MAN1C1: variants seen among roughly 807,000 people sequenced by gnomAD.
MAN1C1 encodes the protein mannosidase alpha class 1C member 1.
Under a neutral mutation model 71.5 loss-of-function variants are expected in MAN1C1, and 49 were observed. That is an observed-to-expected ratio of 0.69 (90% CI 0.54 to 0.87). The LOEUF is 0.87. Ranked by LOEUF, MAN1C1 falls within the 40% of genes least tolerant of loss-of-function variation. The probability of loss-of-function intolerance (pLI) is 0.00; values close to 1 mark genes in which losing one functional copy is unlikely to be tolerated. For missense variants in MAN1C1, 743 were observed against 835.0 expected, an observed-to-expected ratio of 0.89 and a Z score of 1.36; for synonymous variants, 352 against 343.7, an observed-to-expected ratio of 1.02 and a Z score of -0.27.
At chr1:25,755,570 G>T (rs115155175) in intron 5 of MAN1C1, among the ~76,000 whole-genome samples, 1 of 152,214 alleles carries the variant, frequency 6.6e-6, no homozygotes, top group Non-Finnish European at 1.5e-5. Flanking sequence ...CAGGCATCAC[G>T]TGAGCACGTG....
chr1:25,660,889 C>G (rs1286894125), intron 1 of MAN1C1, among the ~76,000 whole-genome samples: 1 of 151,900 alleles, frequency 6.6e-6, no homozygotes, highest in Non-Finnish European at 1.5e-5. Flanking sequence ...TGGGGTTTCA[C>G]CATGTTGCCC....
At chr1:25,757,306 C>T (rs532193885) in intron 5 of MAN1C1, among the ~76,000 whole-genome samples, 1 of 152,204 alleles carries the variant, frequency 6.6e-6, no homozygotes, top group East Asian at 1.9e-4. Flanking sequence ...AAGCAGAGTG[C>T]CCCTGGCAGA....
At chr1:25,695,324 C>T (rs760241246) in intron 2 of MAN1C1, among the ~76,000 whole-genome samples, 2 of 152,082 alleles carry the variant, frequency 1.3e-5, no homozygotes, top group Admixed American at 6.5e-5. Flanking sequence ...GCCCTGAAAG[C>T]GCCATCCGGA....
chr1:25,729,138 A>G lies in MAN1C1; in HGVS notation c.638-17530A>G, dbSNP rs543777118. ...GACCAAACCCCTTGGCCTGCATTTGAAGTCTTTCCCAGGATGGCTCCAGCT... is the reference window on the plus strand; with the variant it reads ...GACCAAACCCCTTGGCCTGCATTTGGAGTCTTTCCCAGGATGGCTCCAGCT... On this transcript the variant is annotated intron_variant, in intron 2 of 11. Coordinates refer to ENST00000374332, the MANE Select transcript of MAN1C1 (RefSeq NM_020379.4). Among the ~76,000 whole-genome samples, 7 of 152,246 alleles carry G rather than the reference A, an allele frequency of 4.6e-5. No homozygotes were observed. The South Asian group carries it at 1.5e-3, about 32-fold the overall frequency.
chr1:25,632,501 T>A (rs1168377718), intron 1 of MAN1C1, among the ~76,000 whole-genome samples: 1 of 152,084 alleles, frequency 6.6e-6, no homozygotes, highest in Non-Finnish European at 1.5e-5. Flanking sequence ...TTCATTTACT[T>A]CTTCTCTGAT....
At chr1:25,618,590 A>G (rs1411098547) in intron 1 of MAN1C1, among the ~76,000 whole-genome samples, 2 of 151,450 alleles carry the variant, frequency 1.3e-5, no homozygotes, top group Admixed American at 1.3e-4. Flanking sequence ...CCCCTAGACC[A>G]ACTGCCCCCT....
chr1:25,761,169 G>A (rs945904524), intron 6 of MAN1C1: 1 of 152,104 alleles, frequency 6.6e-6, no homozygotes, highest in Admixed American at 6.5e-5. Flanking sequence ...TGTATATAAC[G>A]GATCTGGCTC....
At position 25,656,986 on chromosome 1, in the gene MAN1C1, C is replaced by T. The variant is rs565824989; in HGVS notation, c.541-29454C>T. Among the ~76,000 whole-genome samples the T allele has an allele frequency of 1.1e-4, 17 of 152,202 alleles. 1 individual carries two copies. The highest frequency in any genetic ancestry group is 2.9e-4 in the African/African-American group (12 of 41,540). On this transcript the variant is annotated intron_variant, in intron 1 of 11. Coordinates refer to ENST00000374332, the MANE Select transcript of MAN1C1 (RefSeq NM_020379.4). ...GACTACAGGCACCCGCCACCATGTCCGGCTAATTTTTTGTATTTTTCGTAG... is the reference window on the plus strand; with the variant it reads ...GACTACAGGCACCCGCCACCATGTCTGGCTAATTTTTTGTATTTTTCGTAG...
At chr1:25,756,769 C>G (rs1365383044) in intron 5 of MAN1C1, among the ~76,000 whole-genome samples, 1 of 152,164 alleles carries the variant, frequency 6.6e-6, no homozygotes, top group Non-Finnish European at 1.5e-5. Flanking sequence ...CTGTATGAGC[C>G]TCAGTTTCCT....
At position 25,673,886 on chromosome 1, in the gene MAN1C1, G is replaced by A. The variant is rs531844885; in HGVS notation, c.541-12554G>A. 2.6e-5 allele frequency among the ~76,000 whole-genome samples: 4 copies of A among 152,342 alleles called. No individual in the cohort carries two copies. The South Asian group carries it at 8.3e-4, about 32-fold the overall frequency. Reference sequence around the variant, plus strand: ...GTAAGGCTCAAATGAAAAAGGCAAAGCATTTTGGAAATGGTAGAGACACTT... The same window carrying A: ...GTAAGGCTCAAATGAAAAAGGCAAAACATTTTGGAAATGGTAGAGACACTT... On this transcript the variant is annotated intron_variant, in intron 1 of 11. Coordinates refer to ENST00000374332, the MANE Select transcript of MAN1C1 (RefSeq NM_020379.4).
At chr1:25,623,420 T>C (rs1049382937) in intron 1 of MAN1C1, among the ~76,000 whole-genome samples, 1 of 150,980 alleles carries the variant, frequency 6.6e-6, no homozygotes, top group African/African-American at 2.5e-5. Context: ...TTTTTAAAAG[T>C]CTGCTGCCTA....
intron 2 of MAN1C1, among the ~76,000 whole-genome samples, chr1:25,722,429 A>G (rs2046779342): frequency 6.6e-6 from 1 of 152,028 alleles, no homozygotes; most frequent in Non-Finnish European, 1.5e-5. Flanking sequence ...TGGTCCTCCA[A>G]TTTATCTTCT....
chr1:25,624,998 A>ATTTTTTTTTT lies in MAN1C1; in HGVS notation c.540+6677_540+6686dup, dbSNP rs1032269792. Among the ~76,000 whole-genome samples the ATTTTTTTTTT allele has an allele frequency of 8.9e-5, 9 of 101,592 alleles. 1 individual carries two copies. Among genetic ancestry groups the ATTTTTTTTTT allele is most frequent in the African/African-American group, 2.2e-4 (5 of 22,374 alleles). 66.6% of individuals were successfully genotyped at this position (101,592 alleles called of 152,430 possible). Reference sequence around the variant, plus strand: ...TTAATACATATAGCGAAATGCACAGATTTTTTTTTTTTTTTTTTTTTTTTT... The same window carrying ATTTTTTTTTT: ...TTAATACATATAGCGAAATGCACAGATTTTTTTTTTTTTTTTTTTTTTTTTTTTTTTTTTT... On this transcript the variant is annotated intron_variant, in intron 1 of 11. Coordinates refer to ENST00000374332, the MANE Select transcript of MAN1C1 (RefSeq NM_020379.4).
chr1:25,763,664 G>A, intron 6 of MAN1C1: 1 of 568,422 alleles, frequency 1.8e-6, no homozygotes, highest in Non-Finnish European at 3.2e-6. Context: ...TATGGATCAG[G>A]CCCTGTCACA....
chr1:25,655,045 T>C (rs2045745208), intron 1 of MAN1C1, among the ~76,000 whole-genome samples: 1 of 152,232 alleles, frequency 6.6e-6, no homozygotes, highest in Admixed American at 6.5e-5. Flanking sequence ...CAAGTCTTTA[T>C]TGGTTTGAAA....
At chr1:25,657,015 C>T (rs774722536) in intron 1 of MAN1C1, among the ~76,000 whole-genome samples, 5 of 152,122 alleles carry the variant, frequency 3.3e-5, no homozygotes, top group Non-Finnish European at 7.4e-5. Flanking sequence ...TTCGTAGAGA[C>T]GGGGTTTCAC....
chr1:25,678,114 G>A (rs1251001484), intron 1 of MAN1C1, among the ~76,000 whole-genome samples: 1 of 151,988 alleles, frequency 6.6e-6, no homozygotes, highest in African/African-American at 2.4e-5. Context: ...TAAGAATTTG[G>A]TATATTTTCT....
intron 1 of MAN1C1, among the ~76,000 whole-genome samples, chr1:25,676,002 T>C (rs956474507): frequency 2.6e-5 from 4 of 152,146 alleles, no homozygotes; most frequent in African/African-American, 9.7e-5. Flanking sequence ...CTGCTACAGA[T>C]TCAGCAGGTG....
At chr1:25,765,191 C>A (rs548082400) in intron 7 of MAN1C1, among the ~76,000 whole-genome samples, 1 of 152,198 alleles carries the variant, frequency 6.6e-6, no homozygotes, top group Non-Finnish European at 1.5e-5. Flanking sequence ...CATTCACAAG[C>A]CCCCAGCCCT....
Sources: gnomAD v4.1 joint callset for allele counts (sites outside exome capture counted in the v4.1 genomes callset) on GRCh38, gnomAD v4.1.1 for gene constraint, MANE v1.5 for transcripts, NCBI Gene and HGNC (gene_info 2026-07-23, HGNC 2026-07-21) for gene names.